CPA3: variants seen among roughly 807,000 people sequenced by gnomAD.
The protein encoded by CPA3 is mast cell carboxypeptidase A.
A neutral mutation model predicts 55.8 loss-of-function variants in CPA3; 52 were observed. The ratio of observed to expected loss-of-function variants is 0.93; its 90% CI spans 0.75 to 1.17. CPA3 has a LOEUF of 1.17. Among genes scored for constraint, CPA3 ranks in the 50% most tolerant of loss-of-function variants. CPA3 has a pLI of 0.00. For missense variants in CPA3, 547 were observed against 509.1 expected (o/e 1.07, Z -0.72); for synonymous variants, 179 against 171.2 (o/e 1.05, Z -0.36).
chr3:148,868,571 C>A (rs1713970715), intron 2 of CPA3, among the ~76,000 whole-genome samples: 1 of 151,814 alleles, frequency 6.6e-6, no homozygotes, highest in Non-Finnish European at 1.5e-5. Context: ...CAATTAGAGG[C>A]AGATTCTGTG....
intron 8 of CPA3, 45 bp from the exon 9 acceptor site, chr3:148,883,568 G>A: frequency 2.0e-6 from 3 of 1,482,968 alleles, no homozygotes; most frequent in Non-Finnish European, 2.8e-6. Flanking sequence ...GGAGCTATAT[G>A]GATGGGGAGC....
Position 148,879,785 on chromosome 3 carries a change from T to C in CPA3, c.475-3T>C. 6.3e-7 allele frequency: 1 copy of C among 1,591,194 alleles called. No individual in the cohort carries two copies. The highest frequency in any genetic ancestry group is 8.6e-7 in the Non-Finnish European group (1 of 1,159,472). On this transcript the variant is annotated splice_region_variant and splice_polypyrimidine_tract_variant and intron_variant, in intron 5 of 10. Coordinates refer to ENST00000296046, the MANE Select transcript of CPA3 (RefSeq NM_001870.4). ...ACAATATCTCAAGTTTACTTTTAAA[T>C]AGATTGGGGAAAAGAATGAAAGAAG...
chr3:148,873,415 T>C (rs997157606), intron 3 of CPA3, among the ~76,000 whole-genome samples: 13 of 152,110 alleles, frequency 8.5e-5, no homozygotes, highest in Non-Finnish European at 1.3e-4. Flanking sequence ...GAGCCTACGA[T>C]AGTCACATAT....
chr3:148,887,949 C>G lies in CPA3; in HGVS notation c.1066+1772C>G, dbSNP rs569872798. On this transcript the variant is annotated intron_variant, in intron 10 of 10. Transcript: ENST00000296046. The stretch of plus-strand genomic sequence containing the variant: ...CACAACAGTACTGGACTTGATTAAG[C>G]CTGCATCACTCTCTAGACCAAATAT... Among the ~76,000 whole-genome samples the G allele has an allele frequency of 1.4e-4, 21 of 152,276 alleles. No individual in the cohort carries two copies. In the South Asian group the frequency reaches 4.1e-3, roughly 30 times the overall value.
chr3:148,867,455 T>C (rs1404465134), intron 2 of CPA3, among the ~76,000 whole-genome samples: 4 of 152,194 alleles, frequency 2.6e-5, no homozygotes, highest in Non-Finnish European at 5.9e-5. Flanking sequence ...ATAAGTCCCT[T>C]ATTAGTCTCT....
chr3:148,895,689 T>C (rs1276952511), intron 10 of CPA3, among the ~76,000 whole-genome samples: 1 of 152,216 alleles, frequency 6.6e-6, no homozygotes, highest in East Asian at 1.9e-4. Flanking sequence ...CATCAAAATA[T>C]CCCTTCTCTC....
At position 148,870,722 on chromosome 3, in the gene CPA3, CTAAG is replaced by C. The variant is rs1356541209; in HGVS notation, c.269+1685_269+1688del. On this transcript the variant is annotated intron_variant, in intron 3 of 10. Coordinates refer to ENST00000296046, the MANE Select transcript of CPA3 (RefSeq NM_001870.4). ...CTTTTAACCCTTTTAACTTAATATA[CTAAG>C]TTTTTCTGTTTTTATAAATCACATC... is the stretch of plus-strand genomic sequence containing the variant. Among the ~76,000 whole-genome samples, 32 of 152,170 alleles carry C rather than the reference CTAAG, an allele frequency of 2.1e-4. No homozygotes were observed. In the East Asian group the frequency reaches 6.2e-3, roughly 29 times the overall value.
chr3:148,878,429 C>A lies in CPA3; in HGVS notation c.270-12C>A. ...GATAAAACATGTATTTTATCATTCC[C>A]CTGTCAAACAGAATCTTGATTCATG... is the stretch of plus-strand genomic sequence containing the variant. On this transcript the variant is annotated splice_polypyrimidine_tract_variant and intron_variant, in intron 3 of 10. Transcript: ENST00000296046. 1 of 1,531,794 alleles carries A rather than the reference C, an allele frequency of 6.5e-7. No individual in the cohort carries two copies. The highest frequency in any genetic ancestry group is 9.0e-7 in the Non-Finnish European group (1 of 1,105,318). 94.9% of individuals were successfully genotyped at this position (1,531,794 alleles called of 1,614,324 possible).
At position 148,883,593 on chromosome 3, in the gene CPA3, T is replaced by A; in HGVS notation, c.779-20T>A. 1 of 1,606,712 alleles carries A rather than the reference T, an allele frequency of 6.2e-7. No individual in the cohort carries two copies. Among genetic ancestry groups the A allele is most frequent in the East Asian group, 2.2e-5 (1 of 44,812 alleles). ...GGATGGGGAGCAGACTGTGGTCTCA[T>A]CCACCTATGTCTTCTGCAGCCATTC... is the stretch of plus-strand genomic sequence containing the variant. On this transcript the variant is annotated intron_variant, in intron 8 of 10. Transcript: ENST00000296046.
intron 10 of CPA3, among the ~76,000 whole-genome samples, chr3:148,891,476 TCA>T (rs1714664472): frequency 1.9e-5 from 2 of 107,664 alleles, no homozygotes. Context: ...CAAGACCCTG[TCA>T]CATACACACA....
chr3:148,879,936 C>T, intron 6 of CPA3, 47 bp downstream of exon 6: 1 of 1,288,192 alleles, frequency 7.8e-7, no homozygotes, highest in Non-Finnish European at 1.1e-6. Context: ...TGCCAAGTCT[C>T]CAGCACTTCA....
rs766054961 is a variant in CPA3, at chr3:148,881,508, T to C, written c.577-14T>C. 2 of 1,560,968 alleles carry C rather than the reference T, an allele frequency of 1.3e-6. No individual in the cohort carries two copies. The highest frequency in any genetic ancestry group is 1.1e-5 in the South Asian group (1 of 89,476). On this transcript the variant is annotated splice_polypyrimidine_tract_variant and intron_variant, in intron 6 of 10. Coordinates refer to ENST00000296046, the MANE Select transcript of CPA3 (RefSeq NM_001870.4). ...CTTCATACCAATAGCTTAATTTTTT[T>C]TCACCTCCGACAGGCAACCAAAACT... is the stretch of plus-strand genomic sequence containing the variant.
chr3:148,883,697 A>T lies in CPA3; in HGVS notation c.863A>T (p.Asn288Ile), dbSNP rs1266741194. The stretch of plus-strand genomic sequence containing the variant: ...GAGAAAGAGACGAAAGCTGTCACTA[A>T]TTTCATTAGAAGCCACCTGAATGAA... ...ESEKETKAVT[N>I]FIRSHLNEIK... Residue 288 changes from asparagine to isoleucine, a missense_variant, in exon 9 of 11, where the codon AAT (asparagine) becomes ATT (isoleucine). Asn to Ile is a moderately radical substitution (Grantham distance 149). Coordinates refer to ENST00000296046, the MANE Select transcript of CPA3 (RefSeq NM_001870.4). 1 of 1,614,106 alleles carries T rather than the reference A, an allele frequency of 6.2e-7. No individual in the cohort carries two copies.
intron 2 of CPA3, among the ~76,000 whole-genome samples, chr3:148,867,926 G>A (rs955948589): frequency 6.6e-6 from 1 of 152,074 alleles, no homozygotes; most frequent in Non-Finnish European, 1.5e-5. Context: ...ACAGAGTTTT[G>A]CTCTTGTTGC....
At chr3:148,888,665 G>C (rs1714595534) in intron 10 of CPA3, among the ~76,000 whole-genome samples, 3 of 152,178 alleles carry the variant, frequency 2.0e-5, no homozygotes. Context: ...CTCTAAGCAA[G>C]AAAAACCCAC....
intron 4 of CPA3, 51 bp from the exon 5 acceptor site, chr3:148,878,596 T>G: frequency 6.4e-7 from 1 of 1,564,960 alleles, no homozygotes; most frequent in Non-Finnish European, 8.8e-7. Flanking sequence ...ATATTTATTG[T>G]CATTTTGTTT....
intron 9 of CPA3, among the ~76,000 whole-genome samples, chr3:148,885,627 G>A (rs1261636184): frequency 1.3e-5 from 2 of 151,854 alleles, no homozygotes; most frequent in African/African-American, 2.4e-5. Context: ...AGCCAGGATG[G>A]TCTCCATCTC....
At chr3:148,878,915 G>A (rs1275380295) in intron 5 of CPA3, among the ~76,000 whole-genome samples, 167 bp downstream of exon 5, 1 of 152,164 alleles carries the variant, frequency 6.6e-6, no homozygotes, top group Non-Finnish European at 1.5e-5. Flanking sequence ...AGCGGTTTTG[G>A]TGGAACCAAG....
At chr3:148,869,714 C>T (rs564926070) in intron 3 of CPA3, among the ~76,000 whole-genome samples, 21 of 152,262 alleles carry the variant, frequency 1.4e-4, no homozygotes, top group Admixed American at 4.6e-4. Flanking sequence ...GAGCAGCAAC[C>T]ATGGGCCATG....
Sources: gnomAD v4.1 joint callset for allele counts (sites outside exome capture counted in the v4.1 genomes callset) on GRCh38, gnomAD v4.1.1 for gene constraint, MANE v1.5 for transcripts, NCBI Gene and HGNC (gene_info 2026-07-23, HGNC 2026-07-21) for gene names.